Variants in AMZ1 observed in about 807,000 individuals in gnomAD.
The protein encoded by AMZ1 is archaelysin family metallopeptidase 1, also known as archaemetzincin-1.
In AMZ1, 39 loss-of-function variants were observed where a neutral mutation model predicts 29.9. The observed-to-expected ratio is 1.30, with a 90% CI of 1.01 to 1.70. The LOEUF is 1.70. Ranked by LOEUF, AMZ1 falls within the 40% of genes most tolerant of loss-of-function variation. AMZ1 has a pLI of 0.00. For missense variants in AMZ1, 1,041 were observed against 680.6 expected (o/e 1.53, Z -5.89); for synonymous variants, 458 against 304.0 (o/e 1.51, Z -5.27).
Position 2,681,815 on chromosome 7 carries a change from C to CAG in AMZ1, c.-219+2154_-219+2155dup, listed in dbSNP as rs753694665. Among the ~76,000 whole-genome samples the CAG allele has an allele frequency of 5.3e-5, 8 of 152,116 alleles. No individual in the cohort carries two copies. The South Asian group carries it at 6.2e-4, about 12-fold the overall frequency. On this transcript the variant is annotated intron_variant, in intron 1 of 6. Coordinates refer to the AMZ1 transcript ENST00000312371. ...GATGGAGGGAGGAGGGAGATGGTGA[C>CAG]AGAGAGAGAGACCAAGAACCCCAAG...
At chr7:2,745,256 G>T (rs1404902032) in intron 4 of AMZ1, among the ~76,000 whole-genome samples, 1 of 152,204 alleles carries the variant, frequency 6.6e-6, no homozygotes, top group African/African-American at 2.4e-5. Context: ...AAAATGTTAA[G>T]GGCAGCCAGA....
At chr7:2,706,013 C>A (rs1747020478) in intron 3 of AMZ1, among the ~76,000 whole-genome samples, 1 of 152,344 alleles carries the variant, frequency 6.6e-6, no homozygotes, top group Non-Finnish European at 1.5e-5. Context: ...CCAGGGCTTT[C>A]CACCCCCTCT....
chr7:2,740,131 A>G (rs1384713246), intron 4 of AMZ1, among the ~76,000 whole-genome samples: 1 of 152,004 alleles, frequency 6.6e-6, no homozygotes. Context: ...AACGGTGGCC[A>G]TCCTACTAGC....
At chr7:2,750,174 C>T (rs746858966) in intron 4 of AMZ1, among the ~76,000 whole-genome samples, 6 of 152,162 alleles carry the variant, frequency 3.9e-5, no homozygotes, top group African/African-American at 9.7e-5. Flanking sequence ...GCCTGGAAGT[C>T]GTCACTCCCA....
chr7:2,763,894 A>G (rs2115407129), upstream of AMZ1, among the ~76,000 whole-genome samples: 1 of 152,330 alleles, frequency 6.6e-6, no homozygotes, highest in African/African-American at 2.4e-5. Context: ...GAAGGAGCTC[A>G]GCTGAGCTGT....
intron 4 of AMZ1, among the ~76,000 whole-genome samples, chr7:2,749,277 A>G (rs1025510411): frequency 2.2e-4 from 34 of 152,202 alleles, no homozygotes; most frequent in Admixed American, 2.6e-4. Flanking sequence ...TCCAACAATG[A>G]TAGACTGGAT....
At position 2,708,634 on chromosome 7, in the gene AMZ1, G is replaced by A. The variant is rs1402747141; in HGVS notation, c.519G>A (p.Leu173=). 1.2e-6 allele frequency: 2 copies of A among 1,613,180 alleles called. No homozygotes were observed. The highest frequency in any genetic ancestry group is 1.7e-5 in the Admixed American group (1 of 60,020). The change falls in exon 4 of 7, where the codon CTG becomes CTA. Residue 173 remains leucine (L), a synonymous_variant. Transcript: ENST00000683327. ...FLKNNKPGDA[L]CVLGLTLSDL... is the part of the protein sequence containing the mutation. ...AGAACAACAAGCCAGGGGACGCGCT[G>A]TGTGTGCTGGGCCTCACACTGTCTG... is the stretch of plus-strand genomic sequence containing the variant.
intron 1 of AMZ1, among the ~76,000 whole-genome samples, chr7:2,694,589 CATA>C (rs776240051): frequency 2.0e-5 from 3 of 151,862 alleles, no homozygotes; most frequent in Non-Finnish European, 4.4e-5. Context: ...CGTACCTGGT[CATA>C]ATCCTATAAA....
chr7:2,723,234 G>A (rs1257778300), downstream of AMZ1, among the ~76,000 whole-genome samples: 6 of 152,186 alleles, frequency 3.9e-5, no homozygotes, highest in South Asian at 8.3e-4. Flanking sequence ...CTGCAGACGC[G>A]TGCTCAGCAC....
chr7:2,733,987 G>C (rs752644388), intron 4 of AMZ1, among the ~76,000 whole-genome samples: 24 of 152,330 alleles, frequency 1.6e-4, no homozygotes, highest in Admixed American at 3.3e-4. Flanking sequence ...ACATCTTCCA[G>C]TTTCTAGAAA....
intron 4 of AMZ1, among the ~76,000 whole-genome samples, chr7:2,732,232 TTCAC>T (rs758284679): frequency 1.3e-5 from 2 of 152,200 alleles, no homozygotes; most frequent in Non-Finnish European, 2.9e-5. Context: ...AAGCATACTC[TTCAC>T]TCACTTTGAC....
intron 1 of AMZ1, among the ~76,000 whole-genome samples, chr7:2,691,497 C>A (rs1787383587): frequency 6.7e-6 from 1 of 148,718 alleles, no homozygotes; most frequent in African/African-American, 2.6e-5. Context: ...AATCCCAGCA[C>A]TTCGGGAGGC....
At chr7:2,758,871 G>A (rs977625991) in intron 4 of AMZ1, among the ~76,000 whole-genome samples, 3 of 152,194 alleles carry the variant, frequency 2.0e-5, no homozygotes, top group Non-Finnish European at 2.9e-5. Context: ...TCTGCTGGGC[G>A]CGGTGGCTCA....
At chr7:2,723,005 A>AAAAC, downstream of AMZ1, among the ~76,000 whole-genome samples, 1 of 149,336 alleles carries the variant, frequency 6.7e-6, no homozygotes, top group East Asian at 1.9e-4. Context: ...AAAATAAAAT[A>AAAAC]AAACAAAATA....
In AMZ1 at chr7:2,731,458, G is replaced by C; in HGVS notation, n.550+21642G>C. Reference sequence around the variant, plus strand: ...CATCTTGTTGAGGAAGAGAATGATGGAGACGTTGAAGAAGAGCTTGTTGTT... The same window carrying C: ...CATCTTGTTGAGGAAGAGAATGATGCAGACGTTGAAGAAGAGCTTGTTGTT... On this transcript the variant is annotated intron_variant and non_coding_transcript_variant, in intron 4 of 4. Transcript: ENST00000489665. The surrounding 1 kb of genome is among the most constrained non-coding windows in gnomAD (Gnocchi z 6.0). 6.2e-7 allele frequency: 1 copy of C among 1,613,938 alleles called. No homozygotes were observed. The highest frequency in any genetic ancestry group is 8.5e-7 in the Non-Finnish European group (1 of 1,179,902).
Position 2,702,763 on chromosome 7 carries a change from C to T in AMZ1, c.346C>T (p.Leu116=). ...GGTGGGAAGCTCCCTGCTGCACCAG[C>T]TGTGCAGCTGCACAGAGGCCTTCTT... ...EPVGSSLLHQ[L]CSCTEAFFLG... is the part of the protein sequence containing the mutation. Residue 116 remains leucine, a synonymous_variant, in exon 3 of 7, where the codon CTG becomes TTG. Transcript: ENST00000683327. 6.5e-7 allele frequency: 1 copy of T among 1,542,490 alleles called. No individual in the cohort carries two copies. The highest frequency in any genetic ancestry group is 1.2e-5 in the South Asian group (1 of 84,030).
In AMZ1 at chr7:2,708,537, T is replaced by TG. The variant is rs146324170; in HGVS notation, c.473-46dup. On this transcript the variant is annotated intron_variant, in intron 3 of 6. Transcript: ENST00000683327. ...GGGGTGCCAGCCTGAGCCTGGAAGA[T>TG]GGGGGTCCCCGGCTGCCTCCTGACC... is the stretch of plus-strand genomic sequence containing the variant. The TG allele has an allele frequency of 9.6e-4, 1,543 of 1,605,386 alleles. 14 individuals are homozygous for TG. In the African/African-American group the frequency reaches 0.017, roughly 18 times the overall value.
In AMZ1 at chr7:2,739,117, C is replaced by T. The variant is rs886133244; in HGVS notation, n.551-25595C>T. ...GGTTGCTGTCACAGGGGTGCCACGC[C>T]GGGCCCCTAAAGCACCAGCCCCCTT... On this transcript the variant is annotated intron_variant and non_coding_transcript_variant, in intron 4 of 4. Transcript: ENST00000489665. Among the ~76,000 whole-genome samples, 5 of 152,276 alleles carry T rather than the reference C, an allele frequency of 3.3e-5. No homozygotes were observed. The East Asian group carries it at 5.8e-4, about 18-fold the overall frequency.
chr7:2,696,541 G>A (rs1310861265), intron 1 of AMZ1, among the ~76,000 whole-genome samples: 3 of 151,342 alleles, frequency 2.0e-5, no homozygotes, highest in African/African-American at 7.3e-5. Context: ...ACAGGCGTGA[G>A]CCACCGCACC....
Sources: allele counts gnomAD v4.1 joint callset (sites outside exome capture counted in the v4.1 genomes callset), GRCh38; gene constraint gnomAD v4.1.1; non-coding constraint Gnocchi (gnomAD v3.1); transcripts MANE v1.5; gene names NCBI Gene and HGNC (gene_info 2026-07-23, HGNC 2026-07-21).